Variants in BAHD1 observed in about 807,000 individuals in gnomAD.
BAHD1 encodes bromo adjacent homology domain containing 1.
BAHD1 carries 20 observed loss-of-function variants against 63.1 expected under a neutral mutation model. The ratio of observed to expected loss-of-function variants is 0.32; its 90% CI spans 0.22 to 0.46. The LOEUF (loss-of-function observed/expected upper bound fraction) is 0.46. BAHD1 is among the 20% of genes least tolerant of loss of function. The probability of loss-of-function intolerance (pLI) is 1.00; values close to 1 mark genes in which losing one functional copy is unlikely to be tolerated. For synonymous variants in BAHD1, 408 were observed against 426.8 expected (o/e 0.96, Z 0.54); for missense variants, 939 against 1,071.8 (o/e 0.88, Z 1.73).
chr15:40,439,072 G>T (rs372277909), upstream of BAHD1, among the ~76,000 whole-genome samples: 6 of 152,284 alleles, frequency 3.9e-5, no homozygotes, highest in East Asian at 7.7e-4. Flanking sequence ...GTGTGTGTTG[G>T]GGGGGCGCTG....
chr15:40,439,023 G>C (rs1893332728), upstream of BAHD1, among the ~76,000 whole-genome samples: 1 of 152,212 alleles, frequency 6.6e-6, no homozygotes, highest in African/African-American at 2.4e-5. Context: ...GGGACAGGGA[G>C]AGGGGGAATT....
At chr15:40,453,516 A>G (rs756583038) in intron 1 of BAHD1, 5 of 152,222 alleles carry the variant, frequency 3.3e-5, no homozygotes, top group African/African-American at 1.2e-4. Context: ...GAGGAGGACA[A>G]TGCTTAACTC....
chr15:40,465,595 C>T (rs946619551), intron 6 of BAHD1, among the ~76,000 whole-genome samples, 160 bp downstream of exon 6: 1 of 152,204 alleles, frequency 6.6e-6, no homozygotes, highest in East Asian at 1.9e-4. Context: ...TTGCTTGCCT[C>T]TACCATCTGA....
At chr15:40,438,692 C>G (rs1268954738), upstream of BAHD1, among the ~76,000 whole-genome samples, 1 of 152,182 alleles carries the variant, frequency 6.6e-6, no homozygotes, top group Non-Finnish European at 1.5e-5. Context: ...CTAATGCCAA[C>G]ACCAGGAAGA....
rs879104897 is a variant in BAHD1 at position 40,461,902 on chromosome 15, C to A, written c.1433-10C>A. On this transcript the variant is annotated splice_polypyrimidine_tract_variant and intron_variant, in intron 2 of 6. Coordinates refer to ENST00000416165, the MANE Select transcript of BAHD1 (RefSeq NM_014952.5). ...CTTGTCCTGTCCTGACCACTCTCTC[C>A]CTTTCCTAGAAGGCTGCAGATCCCT... 1 of 1,581,198 alleles carries A rather than the reference C, an allele frequency of 6.3e-7. No homozygotes were observed. Among genetic ancestry groups the A allele is most frequent in the African/African-American group, 1.3e-5 (1 of 74,494 alleles).
upstream of BAHD1, among the ~76,000 whole-genome samples, chr15:40,440,813 G>A (rs1007119258): frequency 2.6e-5 from 4 of 152,150 alleles, no homozygotes; most frequent in Non-Finnish European, 5.9e-5. Flanking sequence ...GAGACCGGGA[G>A]GGGGAGCCGA....
At chr15:40,440,583 T>C (rs1893369274), upstream of BAHD1, among the ~76,000 whole-genome samples, 1 of 131,838 alleles carries the variant, frequency 7.6e-6, no homozygotes, top group African/African-American at 2.8e-5. Context: ...CCGGGGGGGC[T>C]AGCAGCTGGG....
At chr15:40,463,339 A>T (rs1167788383) in intron 3 of BAHD1, among the ~76,000 whole-genome samples, 2 of 152,248 alleles carry the variant, frequency 1.3e-5, no homozygotes, top group Non-Finnish European at 2.9e-5. Flanking sequence ...CATAAAATTT[A>T]TTGAGCACTT....
At chr15:40,442,183 AGCGCCGGACAAAGGCG>A (rs1732823592) in intron 1 of BAHD1, among the ~76,000 whole-genome samples, 1 of 151,720 alleles carries the variant, frequency 6.6e-6, no homozygotes, top group Non-Finnish European at 1.5e-5. Flanking sequence ...TTGGCGGTGA[AGCGCCGGACAAAGGCG>A]GCGCCGGAGC....
upstream of BAHD1, among the ~76,000 whole-genome samples, chr15:40,438,517 C>G (rs371657648): frequency 2.0e-5 from 3 of 152,254 alleles, no homozygotes; most frequent in East Asian, 5.8e-4. Context: ...CAGCGGACAC[C>G]GCCACCCACA....
intron 1 of BAHD1, among the ~76,000 whole-genome samples, chr15:40,445,874 G>A (rs917940429): frequency 5.3e-5 from 8 of 152,204 alleles, no homozygotes; most frequent in African/African-American, 1.7e-4. Flanking sequence ...AGTGTGCTTC[G>A]GTTCTGAGGG....
chr15:40,457,663 C>T (rs949850554), intron 1 of BAHD1, among the ~76,000 whole-genome samples: 1 of 152,194 alleles, frequency 6.6e-6, no homozygotes, highest in Non-Finnish European at 1.5e-5. Context: ...ACCTCAGAAG[C>T]CCTGCGTTTG....
intron 2 of BAHD1, 141 bp from the exon 3 acceptor site, chr15:40,461,771 A>G: frequency 9.8e-7 from 1 of 1,023,754 alleles, no homozygotes; most frequent in Non-Finnish European, 1.4e-6. Context: ...ACAGTCCACC[A>G]TAAAAAGGCC....
At chr15:40,463,774 A>C in intron 3 of BAHD1, 87 bp from the exon 4 acceptor site, 26 of 1,459,284 alleles carry the variant, frequency 1.8e-5, no homozygotes, top group East Asian at 1.7e-4. Flanking sequence ...TCTTGAGGAA[A>C]TCGTGGAAAG....
intron 3 of BAHD1, 43 bp downstream of exon 3, chr15:40,462,337 G>C (rs371530555): frequency 8.5e-5 from 133 of 1,558,938 alleles, no homozygotes; most frequent in Non-Finnish European, 1.1e-4. Context: ...GAGGGAGGCA[G>C]TGGGGACACA....
rs1260879053 is a variant in BAHD1 at position 40,459,908 on chromosome 15, T to C, written c.1432+12T>C. 6.4e-7 allele frequency: 1 copy of C among 1,566,088 alleles called. No homozygotes were observed. The highest frequency in any genetic ancestry group is 1.8e-4 in the Middle Eastern group (1 of 5,616). ...GCCTTTTGCAGCAGGTGAGGCTTCC[T>C]GGGCCCAAGATGTACTGGGGAGTCT... On this transcript the variant is annotated intron_variant, in intron 2 of 6. Transcript: ENST00000416165.
At chr15:40,460,383 C>T (rs1368703774) in intron 2 of BAHD1, among the ~76,000 whole-genome samples, 2 of 152,152 alleles carry the variant, frequency 1.3e-5, no homozygotes, top group Non-Finnish European at 2.9e-5. Context: ...AGGTACCAGG[C>T]TCAGTAGGTG....
Position 40,459,388 on chromosome 15 carries a change from G to A in BAHD1, c.924G>A (p.Leu308=). The A allele has an allele frequency of 6.2e-7, 1 of 1,612,592 alleles. No individual in the cohort carries two copies. The highest frequency in any genetic ancestry group is 8.5e-7 in the Non-Finnish European group (1 of 1,179,674). The change falls in exon 2 of 7, where the codon TTG becomes TTA. Residue 308 remains leucine, a synonymous_variant. Transcript: ENST00000416165. ...QPLSKALESP[L]GLRPHLPLLM... is the part of the protein sequence containing the mutation. ...TGAGCAAGGCTCTGGAGAGCCCTTT[G>A]GGGCTGCGCCCTCACCTGCCCCTGC...
rs1566966785 is a variant in BAHD1, at chr15:40,466,081, G to A, written c.2294G>A (p.Arg765His). Reference sequence around the variant, plus strand: ...GACCCTGAGCTGGTGTTCCTTTGCCGCCATGTCTATGACTTCCGCCACGGG... The same window carrying A: ...GACCCTGAGCTGGTGTTCCTTTGCCACCATGTCTATGACTTCCGCCACGGG... ...DTDPELVFLC[R>H]HVYDFRHGRI... The change falls in exon 7 of 7, where the codon CGC (arginine) becomes CAC (histidine). Residue 765 changes from arginine to histidine, a missense_variant. Coordinates refer to ENST00000416165, the MANE Select transcript of BAHD1 (RefSeq NM_014952.5). The A allele has an allele frequency of 1.2e-6, 2 of 1,613,972 alleles. No homozygotes were observed. Among genetic ancestry groups the A allele is most frequent in the Non-Finnish European group, 1.7e-6 (2 of 1,179,992 alleles).
Sources: gnomAD v4.1 joint callset for allele counts (sites outside exome capture counted in the v4.1 genomes callset) on GRCh38, gnomAD v4.1.1 for gene constraint, MANE v1.5 for transcripts, NCBI Gene and HGNC (gene_info 2026-07-23, HGNC 2026-07-21) for gene names.